The following VWC2 variants were observed in gnomAD, a reference collection of about 807,000 sequenced individuals.
VWC2 encodes von Willebrand factor C domain containing 2, also known as brorin.
In VWC2, 14 loss-of-function variants were observed where a neutral mutation model predicts 29.8. The ratio of observed to expected loss-of-function variants is 0.47; its 90% CI spans 0.31 to 0.74. The LOEUF is 0.74. VWC2 is among the 30% of genes least tolerant of loss of function. The pLI is 0.05. For synonymous variants in VWC2, 213 were observed against 199.0 expected (o/e 1.07, Z -0.59); for missense variants, 457 against 459.8 (o/e 0.99, Z 0.05).
At chr7:49,783,327 G>A (rs941529271) in intron 2 of VWC2, among the ~76,000 whole-genome samples, 12 of 152,116 alleles carry the variant, frequency 7.9e-5, no homozygotes, top group South Asian at 4.2e-4. Flanking sequence ...GGGGGTCAAG[G>A]GGGCACACAG....
intron 3 of VWC2, among the ~76,000 whole-genome samples, chr7:49,854,803 T>G (rs1790348231): frequency 6.6e-6 from 1 of 152,250 alleles, no homozygotes; most frequent in South Asian, 2.1e-4. Context: ...CCACACATTT[T>G]ACTAAATGCT....
At chr7:49,892,774 A>C (rs1451204725) in intron 3 of VWC2, among the ~76,000 whole-genome samples, 1 of 152,152 alleles carries the variant, frequency 6.6e-6, no homozygotes, top group East Asian at 1.9e-4. Flanking sequence ...TTATTCGTTC[A>C]TTTTTCAAAC....
chr7:49,888,312 G>A (rs573419900), intron 3 of VWC2, among the ~76,000 whole-genome samples: 7 of 152,048 alleles, frequency 4.6e-5, no homozygotes, highest in Admixed American at 3.3e-4. Flanking sequence ...GGTATTTGTC[G>A]ATTTTGTTAA....
At chr7:49,781,552 T>C (rs1278544529) in intron 2 of VWC2, among the ~76,000 whole-genome samples, 1 of 152,192 alleles carries the variant, frequency 6.6e-6, no homozygotes, top group Non-Finnish European at 1.5e-5. Context: ...GTTAAATAGC[T>C]TGATCAAGGT....
chr7:49,775,628 C>A lies in VWC2; in HGVS notation c.193C>A (p.Pro65Thr). The change falls in exon 2 of 4, where the codon CCG becomes ACG. Residue 65 changes from proline (P) to threonine (T), a missense_variant. By Grantham distance (38) the Pro-to-Thr change is conservative. This residue lies in a region of VWC2 where 272 missense variants were observed against 202.7 expected (regional missense o/e 1.34). Coordinates refer to ENST00000340652, the MANE Select transcript of VWC2 (RefSeq NM_198570.5). ...GGGGCGGGTGAACGAGCTCGGGCGC[C>A]CGGCGAGGGACGAGGGCGGCAGCGG... ...GPGRVNELGR[P>T]ARDEGGSGRD... 4.6e-6 allele frequency: 7 copies of A among 1,530,116 alleles called. No homozygotes were observed. Among genetic ancestry groups the A allele is most frequent in the Non-Finnish European group, 6.1e-6 (7 of 1,141,408 alleles). 94.8% of individuals were successfully genotyped at this position (1,530,116 alleles called of 1,614,324 possible).
intron 2 of VWC2, among the ~76,000 whole-genome samples, chr7:49,800,566 G>A (rs1788714355): frequency 1.3e-5 from 2 of 152,062 alleles, no homozygotes; most frequent in Admixed American, 1.3e-4. Context: ...CCCTGGGGCA[G>A]GGTGTTCTGG....
At position 49,826,689 on chromosome 7, in the gene VWC2, CTTG is replaced by C. The variant is rs374829117; in HGVS notation, c.826+23854_826+23856del. ...CAGTAATACTTTTAAATATTAATGTCTTGTTGTATACTACAAATCTGGTAGGAA... is the reference window on the plus strand; with the variant it reads ...CAGTAATACTTTTAAATATTAATGTCTTGTATACTACAAATCTGGTAGGAA... On this transcript the variant is annotated intron_variant, in intron 3 of 3. Coordinates refer to ENST00000340652, the MANE Select transcript of VWC2 (RefSeq NM_198570.5). 3.3e-4 allele frequency among the ~76,000 whole-genome samples: 50 copies of C among 152,236 alleles called. No homozygotes were observed. The East Asian group carries it at 8.5e-3, about 26-fold the overall frequency.
rs1347690925 is a variant in VWC2, at chr7:49,918,011, C to T, written c.*5826C>T. ...CAGTAAGTAATATACACCTATGAAA[C>T]TATTAATGTTCTTTATACTACCAAG... is the stretch of plus-strand genomic sequence containing the variant. On this transcript the variant is annotated 3_prime_UTR_variant, in exon 4 of 4. Coordinates refer to ENST00000340652, the MANE Select transcript of VWC2 (RefSeq NM_198570.5). 6.6e-6 allele frequency: 1 copy of T among 152,048 alleles called. No homozygotes were observed. Among genetic ancestry groups the T allele is most frequent in the Non-Finnish European group, 1.5e-5 (1 of 68,010 alleles). 9.4% of individuals were successfully genotyped at this position (152,048 alleles called of 1,614,324 possible).
intron 3 of VWC2, among the ~76,000 whole-genome samples, chr7:49,883,360 A>T (rs1296556337): frequency 6.6e-6 from 1 of 152,180 alleles, no homozygotes; most frequent in Non-Finnish European, 1.5e-5. Context: ...AAATATAAAA[A>T]TGGCTTCGTC....
At chr7:49,854,459 G>A (rs1375307805) in intron 3 of VWC2, among the ~76,000 whole-genome samples, 2 of 152,028 alleles carry the variant, frequency 1.3e-5, no homozygotes, top group Non-Finnish European at 1.5e-5. Context: ...TTCTCTGATG[G>A]CCAGTGATGA....
chr7:49,871,942 C>G (rs2128723598), intron 3 of VWC2, among the ~76,000 whole-genome samples: 1 of 119,686 alleles, frequency 8.4e-6, no homozygotes, highest in South Asian at 3.5e-4. Flanking sequence ...CACACACACA[C>G]ACACACACAC....
intron 3 of VWC2, among the ~76,000 whole-genome samples, chr7:49,871,186 A>G (rs1200554590): frequency 6.6e-6 from 1 of 152,196 alleles, no homozygotes; most frequent in South Asian, 2.1e-4. Context: ...AAAAATAAAA[A>G]CGAATAATAA....
At chr7:49,817,015 G>A (rs1438121967) in intron 3 of VWC2, among the ~76,000 whole-genome samples, 2 of 152,130 alleles carry the variant, frequency 1.3e-5, no homozygotes, top group East Asian at 3.8e-4. Context: ...TTTCTTAAAG[G>A]TAATATCCAC....
intron 3 of VWC2, among the ~76,000 whole-genome samples, chr7:49,853,348 A>G (rs1458048412): frequency 6.6e-6 from 1 of 152,216 alleles, no homozygotes; most frequent in Non-Finnish European, 1.5e-5. Context: ...CCCCAGGCCC[A>G]GGAAGTCATG....
chr7:49,884,600 T>G (rs1791816027), intron 3 of VWC2, among the ~76,000 whole-genome samples: 1 of 152,142 alleles, frequency 6.6e-6, no homozygotes, highest in South Asian at 2.1e-4. Context: ...GTGGGTCAAT[T>G]TCTATGTCTA....
At chr7:49,808,312 G>C (rs1403500458) in intron 3 of VWC2, among the ~76,000 whole-genome samples, 1 of 151,986 alleles carries the variant, frequency 6.6e-6, no homozygotes, top group Admixed American at 6.6e-5. Flanking sequence ...ACAACTGTCA[G>C]GATACTGATA....
chr7:49,787,946 G>T (rs1170829094), intron 2 of VWC2, among the ~76,000 whole-genome samples: 3 of 152,192 alleles, frequency 2.0e-5, no homozygotes, highest in African/African-American at 7.2e-5. Flanking sequence ...GGACCATTGC[G>T]CCGTATGTCT....
At chr7:49,865,267 A>G (rs1234946483) in intron 3 of VWC2, among the ~76,000 whole-genome samples, 2 of 152,176 alleles carry the variant, frequency 1.3e-5, no homozygotes, top group African/African-American at 4.8e-5. Flanking sequence ...GAAAGAGTTG[A>G]TCTCTGAAAT....
chr7:49,852,461 A>G lies in VWC2; in HGVS notation c.826+49621A>G, dbSNP rs925750394. On this transcript the variant is annotated intron_variant, in intron 3 of 3. Coordinates refer to ENST00000340652, the MANE Select transcript of VWC2 (RefSeq NM_198570.5). ...TAGAAATCTGATTTGTGCATGGCCT[A>G]GCCCTTTAGGGAGATAATTTCTTTC... Among the ~76,000 whole-genome samples the G allele has an allele frequency of 4.6e-5, 7 of 152,352 alleles. No individual in the cohort carries two copies. In the East Asian group the frequency reaches 1.3e-3, roughly 29 times the overall value.
Sources: allele counts gnomAD v4.1 joint callset (sites outside exome capture counted in the v4.1 genomes callset), GRCh38; gene constraint gnomAD v4.1.1; regional missense constraint gnomAD v4.1.1; transcripts MANE v1.5; gene names NCBI Gene and HGNC (gene_info 2026-07-23, HGNC 2026-07-21).